The following SH2D4B variants were observed in gnomAD, a reference collection of about 807,000 sequenced individuals.
SH2D4B encodes SH2 domain containing 4B.
SH2D4B carries 45 observed loss-of-function variants against 61.5 expected under a neutral mutation model. The ratio of observed to expected loss-of-function variants is 0.73; its 90% CI spans 0.58 to 0.94. SH2D4B has a LOEUF of 0.94. SH2D4B is among the 40% of genes least tolerant of loss of function. SH2D4B has a pLI of 0.00. For synonymous variants in SH2D4B, 224 were observed against 220.4 expected (o/e 1.02, Z -0.14); for missense variants, 572 against 574.2 (o/e 1.00, Z 0.04).
In SH2D4B at chr10:80,641,159, C is replaced by T. The variant is rs188119242; in HGVS notation, c.1210-2834C>T. The stretch of plus-strand genomic sequence containing the variant: ...CAAATATTGCTGCCTGATCCTTCCT[C>T]TCGAAGTTTCATCCCAGAGGGCCAC... On this transcript the variant is annotated intron_variant, in intron 7 of 7. Coordinates refer to ENST00000646907, the MANE Select transcript of SH2D4B (RefSeq NM_001388272.1). Among the ~76,000 whole-genome samples, 214 of 152,334 alleles carry T rather than the reference C, an allele frequency of 1.4e-3. 1 individual carries two copies. The highest frequency in any genetic ancestry group is 1.3e-3 in the Non-Finnish European group (88 of 68,032).
At chr10:80,546,047 T>C in intron 1 of SH2D4B, among the ~76,000 whole-genome samples, 1 of 112,524 alleles carries the variant, frequency 8.9e-6, no homozygotes, top group African/African-American at 3.9e-5. Context: ...TCTCTCTTTC[T>C]TTTTTTTTTT....
intron 4 of SH2D4B, among the ~76,000 whole-genome samples, chr10:80,589,006 T>C (rs1031883075): frequency 2.0e-5 from 3 of 151,210 alleles, no homozygotes; most frequent in Non-Finnish European, 4.4e-5. Flanking sequence ...TTTTCTTTTT[T>C]TTTTTGTTCT....
intron 7 of SH2D4B, among the ~76,000 whole-genome samples, chr10:80,639,090 G>A (rs531689238): frequency 6.6e-6 from 1 of 152,342 alleles, no homozygotes; most frequent in African/African-American, 2.4e-5. Context: ...ATGTAGTTGT[G>A]CAGTTTTGAG....
chr10:80,634,516 C>T lies in SH2D4B; in HGVS notation c.1209+11C>T. On this transcript the variant is annotated intron_variant, in intron 7 of 7. Transcript: ENST00000646907. ...GTTGATTTCCATAAGGTATCCCTCA[C>T]AGGGATACTAATGGGGGGGAGGGGG... 1 of 1,548,150 alleles carries T rather than the reference C, an allele frequency of 6.5e-7. No homozygotes were observed. The highest frequency in any genetic ancestry group is 8.7e-7 in the Non-Finnish European group (1 of 1,146,250).
At chr10:80,563,027 A>T (rs1028406218) in intron 1 of SH2D4B, among the ~76,000 whole-genome samples, 1 of 145,950 alleles carries the variant, frequency 6.9e-6, no homozygotes, top group African/African-American at 2.5e-5. Flanking sequence ...TCAGCCTCCC[A>T]AGTAGCTGGG....
chr10:80,586,705 A>G (rs969035196), intron 3 of SH2D4B, among the ~76,000 whole-genome samples: 3 of 152,184 alleles, frequency 2.0e-5, no homozygotes, highest in Non-Finnish European at 4.4e-5. Context: ...GGCTGCCCCG[A>G]GCCAGCAGTG....
At chr10:80,540,213 C>A (rs1374857690) in intron 1 of SH2D4B, among the ~76,000 whole-genome samples, 1 of 152,070 alleles carries the variant, frequency 6.6e-6, no homozygotes, top group African/African-American at 2.4e-5. Context: ...GAAAGCACGC[C>A]GAGGAATGTG....
At chr10:80,623,445 A>C (rs1052430380) in intron 6 of SH2D4B, among the ~76,000 whole-genome samples, 2 of 152,138 alleles carry the variant, frequency 1.3e-5, no homozygotes, top group Non-Finnish European at 2.9e-5. Context: ...TCACTACTTA[A>C]TTATCTCCTA....
At position 80,593,732 on chromosome 10, in the gene SH2D4B, A is replaced by G. The variant is rs150622586; in HGVS notation, c.643+4955A>G. Among the ~76,000 whole-genome samples, 626 of 152,286 alleles carry G rather than the reference A, an allele frequency of 4.1e-3. 3 individuals are homozygous for G. The highest frequency in any genetic ancestry group is 0.01 in the African/African-American group (423 of 41,558). The stretch of plus-strand genomic sequence containing the variant: ...TGCTCTGGCTAGAACTTCCAATACT[A>G]TGTTGAATGGAAGTGGCAAAAGGCA... On this transcript the variant is annotated intron_variant, in intron 4 of 7. Coordinates refer to ENST00000646907, the MANE Select transcript of SH2D4B (RefSeq NM_001388272.1).
chr10:80,567,429 T>C (rs888159646), intron 1 of SH2D4B, among the ~76,000 whole-genome samples: 3 of 152,184 alleles, frequency 2.0e-5, no homozygotes, highest in Admixed American at 6.5e-5. Context: ...CCACCTCTTA[T>C]AGGGGACACC....
intron 1 of SH2D4B, among the ~76,000 whole-genome samples, chr10:80,543,646 G>T (rs192127052): frequency 6.6e-6 from 1 of 152,208 alleles, no homozygotes; most frequent in Non-Finnish European, 1.5e-5. Flanking sequence ...GCCCCAGTGC[G>T]GGATCCACTG....
chr10:80,562,185 G>A (rs1841909583), intron 1 of SH2D4B, among the ~76,000 whole-genome samples: 1 of 151,886 alleles, frequency 6.6e-6, no homozygotes, highest in Non-Finnish European at 1.5e-5. Flanking sequence ...TCTGTGCCTG[G>A]CTCATTTCAC....
At chr10:80,641,300 A>G (rs1349408598) in intron 7 of SH2D4B, among the ~76,000 whole-genome samples, 1 of 152,218 alleles carries the variant, frequency 6.6e-6, no homozygotes, top group African/African-American at 2.4e-5. Context: ...CTCAAACACC[A>G]TGCTGGGAGA....
chr10:80,555,627 C>T (rs761325511), intron 1 of SH2D4B, among the ~76,000 whole-genome samples: 73 of 152,166 alleles, frequency 4.8e-4, no homozygotes, highest in Non-Finnish European at 9.3e-4. Context: ...GGGGTTGCTG[C>T]TGCTTTTCCG....
chr10:80,575,339 G>T (rs1489411753), intron 3 of SH2D4B, among the ~76,000 whole-genome samples: 1 of 151,988 alleles, frequency 6.6e-6, no homozygotes, highest in African/African-American at 2.4e-5. Context: ...TAACCCAGGG[G>T]CTGGCAAACT....
chr10:80,611,526 C>T (rs1842600144), intron 6 of SH2D4B, among the ~76,000 whole-genome samples: 1 of 152,178 alleles, frequency 6.6e-6, no homozygotes, highest in Admixed American at 6.5e-5. Flanking sequence ...GATTCTCTGC[C>T]TCTCCCTTCT....
Position 80,646,317 on chromosome 10 carries a change from TG to T in SH2D4B, c.*2233del, listed in dbSNP as rs1840394932. The stretch of plus-strand genomic sequence containing the variant: ...TTGAGACCCTGAATCCCTGGGCTGT[TG>T]TTCCTGTCACCCCTAATTAATATGT... On this transcript the variant is annotated 3_prime_UTR_variant, in exon 8 of 8. Coordinates refer to ENST00000646907, the MANE Select transcript of SH2D4B (RefSeq NM_001388272.1). 6.6e-6 allele frequency: 1 copy of T among 152,644 alleles called. No homozygotes were observed. Among genetic ancestry groups the T allele is most frequent in the Admixed American group, 6.5e-5 (1 of 15,278 alleles). The allele number at this position is 152,644 out of a possible 1,614,324, so 9.5% of individuals were successfully genotyped here.
chr10:80,640,186 G>T (rs955380816), intron 7 of SH2D4B, among the ~76,000 whole-genome samples: 1 of 152,164 alleles, frequency 6.6e-6, no homozygotes, highest in African/African-American at 2.4e-5. Context: ...TCCCTTTGAG[G>T]TTAACCCGAC....
chr10:80,634,563 AAGAG>A, intron 7 of SH2D4B, 58 bp downstream of exon 7: 1 of 1,536,242 alleles, frequency 6.5e-7, no homozygotes, highest in Non-Finnish European at 8.8e-7. Flanking sequence ...ATTGGAGCTG[AAGAG>A]AGAGCTAGAG....
Sources: gnomAD v4.1 joint callset for allele counts (sites outside exome capture counted in the v4.1 genomes callset) on GRCh38, gnomAD v4.1.1 for gene constraint, MANE v1.5 for transcripts, NCBI Gene and HGNC (gene_info 2026-07-23, HGNC 2026-07-21) for gene names.